The following SARDH variants were observed in gnomAD, a reference collection of about 807,000 sequenced individuals.
SARDH encodes sarcosine dehydrogenase, mitochondrial.
SARDH carries 95 observed loss-of-function variants against 109.1 expected under a neutral mutation model. That is an observed-to-expected ratio of 0.87 (90% CI 0.74 to 1.03). The LOEUF is 1.03. Among genes scored for constraint, SARDH ranks in the 50% least tolerant of loss-of-function variants. SARDH has a pLI of 0.00. For missense variants in SARDH, 1,267 were observed against 1,287.8 expected (o/e 0.98, Z 0.25); for synonymous variants, 572 against 534.8 (o/e 1.07, Z -0.96).
At position 133,734,129 on chromosome 9, in the gene SARDH, A is replaced by C. The variant is rs1832784587; in HGVS notation, c.45T>G (p.Pro15=). The C allele has an allele frequency of 6.2e-7, 1 of 1,608,948 alleles. No individual in the cohort carries two copies. The highest frequency in any genetic ancestry group is 1.3e-5 in the African/African-American group (1 of 74,884). Residue 15 remains proline, a synonymous_variant, in exon 2 of 21, where the codon CCT becomes CCG. Coordinates refer to ENST00000439388, the MANE Select transcript of SARDH (RefSeq NM_001134707.2). The stretch of plus-strand genomic sequence containing the variant: ...CCATGCCCCGGGTAGGGCTCTGGCG[A>C]GGGTGGGCAGCAGCCACACGTAGGG... ...SRALRVAAAH[P]RQSPTRGMGP... is the part of the protein sequence containing the mutation.
chr9:133,720,980 A>G (rs1027120539), intron 6 of SARDH, among the ~76,000 whole-genome samples: 25 of 152,258 alleles, frequency 1.6e-4, no homozygotes, highest in Non-Finnish European at 1.0e-4. Context: ...GGCTAAAAGA[A>G]AAAGACAACA....
intron 1 of SARDH, among the ~76,000 whole-genome samples, chr9:133,735,022 G>A (rs1344399194): frequency 6.6e-6 from 1 of 152,128 alleles, no homozygotes; most frequent in African/African-American, 2.4e-5. Context: ...GTTGAGTGAT[G>A]GAGACACTTG....
In SARDH at chr9:133,726,394, A is replaced by ATAATAATAATAATAATAG. The variant is rs59172198; in HGVS notation, c.915+3370_915+3371insCTATTATTATTATTATTA. Among the ~76,000 whole-genome samples the ATAATAATAATAATAATAG allele has an allele frequency of 8.0e-3, 1,052 of 132,286 alleles. 8 individuals carry two copies. Among genetic ancestry groups the ATAATAATAATAATAATAG allele is most frequent in the East Asian group, 0.017 (81 of 4,730 alleles). 86.8% of individuals were successfully genotyped at this position (132,286 alleles called of 152,430 possible). On this transcript the variant is annotated intron_variant, in intron 6 of 20. Coordinates refer to ENST00000439388, the MANE Select transcript of SARDH (RefSeq NM_001134707.2). ...AATAATAATAATAATAATAATAATAATAGTAGTAGTAGTAGTAGTAGTTAT... is the reference window on the plus strand; with the variant it reads ...AATAATAATAATAATAATAATAATAATAATAATAATAATAATAGTAGTAGTAGTAGTAGTAGTAGTTAT...
intron 4 of SARDH, 78 bp downstream of exon 4, chr9:133,731,227 T>C: frequency 6.5e-7 from 1 of 1,543,220 alleles, no homozygotes; most frequent in Non-Finnish European, 8.8e-7. Context: ...CTTGTTCTCT[T>C]CCCTTCTGCT....
At chr9:133,724,104 G>A (rs945256633) in intron 6 of SARDH, among the ~76,000 whole-genome samples, 9 of 152,064 alleles carry the variant, frequency 5.9e-5, no homozygotes, top group African/African-American at 1.2e-4. Flanking sequence ...TGAATTGGAC[G>A]TTATTAAAAT....
At chr9:133,733,804 C>G (rs10993780) in intron 2 of SARDH, 39 bp downstream of exon 2, 233,197 of 1,435,924 alleles carry the variant, frequency 0.16, 19,386 homozygotes, top group South Asian at 0.18. Flanking sequence ...CTCGCTATGT[C>G]CTATCCTTCC....
Position 133,712,315 on chromosome 9 carries a change from TCA to T in SARDH, c.1328+302_1328+303del, listed in dbSNP as rs1831952843. On this transcript the variant is annotated intron_variant, in intron 10 of 20. Transcript: ENST00000439388. The surrounding 1 kb of genome is among the most constrained non-coding windows in gnomAD (Gnocchi z 4.1). ...CCCCGCTCCCTCCTGCCCCCAGGCC[TCA>T]GTCTCCCCATCTGTGAGGTGGGGTG... is the stretch of plus-strand genomic sequence containing the variant. Among the ~76,000 whole-genome samples, 3 of 152,112 alleles carry T rather than the reference TCA, an allele frequency of 2.0e-5. No individual in the cohort carries two copies. The highest frequency in any genetic ancestry group is 4.2e-4 in the South Asian group (2 of 4,812).
In SARDH at chr9:133,704,949, G is replaced by A. The variant is rs751177479; in HGVS notation, c.1553C>T (p.Pro518Leu). 6.4e-6 allele frequency: 10 copies of A among 1,574,402 alleles called. No individual in the cohort carries two copies. The highest frequency in any genetic ancestry group is 4.6e-5 in the East Asian group (2 of 43,374). ...CACAGCCCAGCAGGCACTACTCACC[G>A]GAGCTGGGCCTCGGGGATGAAACCA... Reference protein sequence around the residue: ...PGWFHPRGPAPVLEYDYYGAY... With the variant: ...PGWFHPRGPALVLEYDYYGAY... Residue 518 changes from proline (P) to leucine (L), a missense_variant and splice_region_variant, in exon 12 of 21, where the codon CCG (proline) becomes CTG (leucine). Coordinates refer to ENST00000439388, the MANE Select transcript of SARDH (RefSeq NM_001134707.2). The surrounding 1 kb of genome is among the most constrained non-coding windows in gnomAD (Gnocchi z 4.5).
At chr9:133,720,662 G>A (rs1404981603) in intron 6 of SARDH, among the ~76,000 whole-genome samples, 1 of 151,272 alleles carries the variant, frequency 6.6e-6, no homozygotes, top group Non-Finnish European at 1.5e-5. Flanking sequence ...GAGAGAGCAT[G>A]TGCAGGGGAA....
intron 6 of SARDH, among the ~76,000 whole-genome samples, 198 bp downstream of exon 6, chr9:133,729,567 G>A (rs573920841): frequency 7.2e-5 from 11 of 152,272 alleles, no homozygotes; most frequent in African/African-American, 1.9e-4. Flanking sequence ...ACAGGGATAC[G>A]CCTGTGCTAC....
chr9:133,719,633 C>T (rs1261517281), intron 6 of SARDH, among the ~76,000 whole-genome samples: 1 of 136,050 alleles, frequency 7.4e-6, no homozygotes, highest in African/African-American at 2.6e-5. Context: ...GCCATCCCCC[C>T]ACCCCCCCAC....
At chr9:133,739,435 T>A (rs537212764), upstream of SARDH, among the ~76,000 whole-genome samples, 1 of 152,290 alleles carries the variant, frequency 6.6e-6, no homozygotes, top group East Asian at 1.9e-4. Flanking sequence ...AAACCTATAG[T>A]GACATCTAAG....
Position 133,666,477 on chromosome 9 carries a change from C to T in SARDH, c.2631+258G>A, listed in dbSNP as rs142692249. ...CCTCCACCTGCTGAGGCCTCTTCCT[C>T]CCCCTTCTCCTTCTCCCTCCCTCCT... On this transcript the variant is annotated intron_variant, in intron 20 of 20. Transcript: ENST00000439388. This position sits in a 1 kb window ranked among gnomAD's most constrained non-coding sequence, Gnocchi z 5.2. Among the ~76,000 whole-genome samples the T allele has an allele frequency of 8.1e-4, 124 of 152,156 alleles. No homozygotes were observed. Among genetic ancestry groups the T allele is most frequent in the African/African-American group, 2.9e-3 (120 of 41,528 alleles).
At chr9:133,685,639 C>A (rs1830859133) in intron 16 of SARDH, among the ~76,000 whole-genome samples, 1 of 152,162 alleles carries the variant, frequency 6.6e-6, no homozygotes, top group African/African-American at 2.4e-5. Context: ...AGCATCTGGA[C>A]CAGGTCCACA....
rs947681227 is a variant in SARDH at position 133,666,758 on chromosome 9, TGTAACC to T, written c.2602_2607del (p.Gly868_Tyr869del). The T allele has an allele frequency of 6.3e-7, 1 of 1,598,608 alleles. No homozygotes were observed. Among genetic ancestry groups the T allele is most frequent in the Non-Finnish European group, 8.5e-7 (1 of 1,172,874 alleles). On this transcript the variant is annotated inframe_deletion, in exon 20 of 21. Transcript: ENST00000439388. This position sits in a 1 kb window ranked among gnomAD's most constrained non-coding sequence, Gnocchi z 5.2. The stretch of plus-strand genomic sequence containing the variant: ...ACCGGCCCACCGCTGGGGTCATGGA[TGTAACC>T]GTAGGCGATGGTCTTGTCGATGGCG...
upstream of SARDH, among the ~76,000 whole-genome samples, chr9:133,738,996 G>A (rs1209745312): frequency 6.6e-6 from 1 of 152,204 alleles, no homozygotes; most frequent in African/African-American, 2.4e-5. Context: ...TTGACTGTTG[G>A]GGACAGCAGT....
chr9:133,734,412 T>TTCATTCAC (rs1832806963), intron 1 of SARDH, among the ~76,000 whole-genome samples: 51 of 127,312 alleles, frequency 4.0e-4, no homozygotes, highest in African/African-American at 5.8e-4. Flanking sequence ...CATTCACTCA[T>TTCATTCAC]TCATTCATTC....
At chr9:133,717,869 C>A (rs1397747199) in intron 7 of SARDH, among the ~76,000 whole-genome samples, 1 of 152,182 alleles carries the variant, frequency 6.6e-6, no homozygotes, top group Non-Finnish European at 1.5e-5. Context: ...CTTCACCCCT[C>A]AATGGGGCAG....
At chr9:133,678,940 A>T (rs2131353221) in intron 17 of SARDH, among the ~76,000 whole-genome samples, 1 of 152,320 alleles carries the variant, frequency 6.6e-6, no homozygotes, top group South Asian at 2.1e-4. Flanking sequence ...TACAAGGGCA[A>T]GATGAGAACC....
Sources: gnomAD v4.1 joint callset for allele counts (sites outside exome capture counted in the v4.1 genomes callset) on GRCh38, gnomAD v4.1.1 for gene constraint, Gnocchi (gnomAD v3.1) non-coding constraint, MANE v1.5 for transcripts, NCBI Gene and HGNC (gene_info 2026-07-23, HGNC 2026-07-21) for gene names.